The following NALF1 variants were observed in gnomAD, a reference collection of about 807,000 sequenced individuals.
NALF1 encodes family with sequence similarity 155 member A.
A neutral mutation model predicts 48.4 loss-of-function variants in NALF1; 3 were observed. That is an observed-to-expected ratio of 0.06 (90% confidence interval 0.03 to 0.16). NALF1 has a LOEUF of 0.16. NALF1 is among the 10% of genes least tolerant of loss of function. NALF1 has a pLI of 1.00. For synonymous variants in NALF1, 262 were observed against 245.7 expected, an observed-to-expected ratio of 1.07 and a Z score of -0.62; for missense variants, 526 against 571.5, an observed-to-expected ratio of 0.92 and a Z score of 0.81.
intron 1 of NALF1, among the ~76,000 whole-genome samples, chr13:107,449,698 A>G (rs763658989): frequency 6.6e-6 from 1 of 152,214 alleles, no homozygotes; most frequent in Non-Finnish European, 1.5e-5. Context: ...AATGTAGGCT[A>G]GGCAGCAAAG....
intron 1 of NALF1, among the ~76,000 whole-genome samples, chr13:107,335,874 A>C (rs1284421968): frequency 6.6e-6 from 1 of 152,200 alleles, no homozygotes; most frequent in East Asian, 1.9e-4. Flanking sequence ...TAACTTCTAA[A>C]TCTTATCTTG....
intron 1 of NALF1, among the ~76,000 whole-genome samples, chr13:107,236,352 C>G (rs1281208524): frequency 1.3e-5 from 2 of 152,080 alleles, no homozygotes; most frequent in African/African-American, 2.4e-5. Flanking sequence ...GAGTAACTTT[C>G]AAATGTTCCA....
At chr13:107,254,840 C>T (rs1359369) in intron 1 of NALF1, among the ~76,000 whole-genome samples, 17,430 of 152,144 alleles carry the variant, frequency 0.11, 1,178 homozygotes, top group African/African-American at 0.17. Context: ...GCTATTAGCC[C>T]ATTGACTTAC....
At chr13:107,298,419 T>G (rs995673494) in intron 1 of NALF1, among the ~76,000 whole-genome samples, 1 of 150,346 alleles carries the variant, frequency 6.7e-6, no homozygotes, top group African/African-American at 2.4e-5. Context: ...TACACGTTTC[T>G]TTTTTATTTT....
chr13:107,455,561 T>A (rs1372761619), intron 1 of NALF1, among the ~76,000 whole-genome samples: 1 of 152,172 alleles, frequency 6.6e-6, no homozygotes, highest in African/African-American at 2.4e-5. Flanking sequence ...GAGTTCATAG[T>A]TTACATTATT....
intron 1 of NALF1, among the ~76,000 whole-genome samples, chr13:107,700,752 A>T (rs963577662): frequency 6.6e-6 from 1 of 152,094 alleles, no homozygotes; most frequent in Non-Finnish European, 1.5e-5. Flanking sequence ...TTAATATCCA[A>T]AATTTATAAA....
intron 1 of NALF1, among the ~76,000 whole-genome samples, chr13:107,265,487 T>C (rs1055719837): frequency 2.4e-4 from 36 of 152,174 alleles, no homozygotes; most frequent in Admixed American, 2.2e-3. Flanking sequence ...TGGCTCGATC[T>C]TGGCTCACTG....
In NALF1 at chr13:107,574,216, T is replaced by A. The variant is rs78205945; in HGVS notation, c.915+291466A>T. Reference sequence around the variant, plus strand: ...GTATTGTTTTGGAGTTTCTGTTTTATGCATCAAAATATAATCTTGAATGAA... The same window carrying A: ...GTATTGTTTTGGAGTTTCTGTTTTAAGCATCAAAATATAATCTTGAATGAA... On this transcript the variant is annotated intron_variant, in intron 1 of 2. Transcript: ENST00000375915. Among the ~76,000 whole-genome samples, 3,673 of 152,262 alleles carry A rather than the reference T, an allele frequency of 0.024. 378 individuals are homozygous for A. The East Asian group carries it at 0.36, about 15-fold the overall frequency.
chr13:107,582,775 GTTCA>G, intron 1 of NALF1, among the ~76,000 whole-genome samples: 1 of 152,186 alleles, frequency 6.6e-6, no homozygotes, highest in South Asian at 2.1e-4. Context: ...AGAATAATAC[GTTCA>G]TTATGACTCC....
intron 1 of NALF1, among the ~76,000 whole-genome samples, chr13:107,483,792 T>A (rs901049610): frequency 1.1e-5 from 1 of 91,514 alleles, no homozygotes; most frequent in South Asian, 3.4e-4. Flanking sequence ...ATGTCAGCAA[T>A]CTGCATTAAA....
At chr13:107,554,810 C>A (rs552455910) in intron 1 of NALF1, among the ~76,000 whole-genome samples, 1 of 152,166 alleles carries the variant, frequency 6.6e-6, no homozygotes, top group South Asian at 2.1e-4. Flanking sequence ...ATAAATATTG[C>A]CCTTCCTCCC....
intron 1 of NALF1, among the ~76,000 whole-genome samples, chr13:107,402,015 C>T (rs940744466): frequency 6.6e-6 from 1 of 152,164 alleles, no homozygotes; most frequent in Non-Finnish European, 1.5e-5. Context: ...GTAAGCTTCA[C>T]CTCCTGGTAT....
intron 2 of NALF1, among the ~76,000 whole-genome samples, chr13:107,208,157 C>T (rs193255140): frequency 2.6e-3 from 391 of 152,244 alleles, no homozygotes; most frequent in Middle Eastern, 3.4e-3. Flanking sequence ...CATATATTTT[C>T]GAGCAATTTA....
At chr13:107,458,759 C>A (rs1884868482) in intron 1 of NALF1, among the ~76,000 whole-genome samples, 1 of 151,928 alleles carries the variant, frequency 6.6e-6, no homozygotes, top group South Asian at 2.1e-4. Flanking sequence ...CAATAGCGAG[C>A]CTGGGAGTAA....
chr13:107,242,569 ATTAATT>A (rs1356799415), intron 1 of NALF1, among the ~76,000 whole-genome samples: 1 of 152,240 alleles, frequency 6.6e-6, no homozygotes, highest in African/African-American at 2.4e-5. Context: ...TATGTTTTGA[ATTAATT>A]TACATTTATT....
At chr13:107,221,588 A>C (rs1201237495) in intron 1 of NALF1, among the ~76,000 whole-genome samples, 1 of 152,152 alleles carries the variant, frequency 6.6e-6, no homozygotes, top group African/African-American at 2.4e-5. Flanking sequence ...TCAAAAAATA[A>C]AAAGTAAAAA....
At chr13:107,354,392 T>C (rs1441742140) in intron 1 of NALF1, among the ~76,000 whole-genome samples, 1 of 151,830 alleles carries the variant, frequency 6.6e-6, no homozygotes, top group Non-Finnish European at 1.5e-5. Flanking sequence ...CTCAGAAACC[T>C]GGGGAACTGT....
intron 1 of NALF1, among the ~76,000 whole-genome samples, chr13:107,849,869 G>A (rs1160583032): frequency 6.6e-6 from 1 of 151,968 alleles, no homozygotes; most frequent in African/African-American, 2.4e-5. Flanking sequence ...AAATCTAACA[G>A]GAGAAACAAA....
chr13:107,649,944 G>A (rs1880404729), intron 1 of NALF1, among the ~76,000 whole-genome samples: 2 of 152,148 alleles, frequency 1.3e-5, no homozygotes, highest in Non-Finnish European at 1.5e-5. Flanking sequence ...TACATGGACT[G>A]TTATCAATAC....
Sources: gnomAD v4.1 joint callset for allele counts (sites outside exome capture counted in the v4.1 genomes callset) on GRCh38, gnomAD v4.1.1 for gene constraint, MANE v1.5 for transcripts, NCBI Gene and HGNC (gene_info 2026-07-23, HGNC 2026-07-21) for gene names.